PDE1A: variants seen among roughly 807,000 people sequenced by gnomAD.
PDE1A encodes the protein dual specificity calcium/calmodulin-dependent 3',5'-cyclic nucleotide phosphodiesterase 1A.
Under a neutral mutation model 61.7 loss-of-function variants are expected in PDE1A, and 35 were observed. That is an observed-to-expected ratio of 0.57 (90% CI 0.43 to 0.75). The LOEUF (loss-of-function observed/expected upper bound fraction) is 0.75, where lower values mean the gene tolerates loss of function less well. PDE1A is among the 30% of genes least tolerant of loss of function. PDE1A has a pLI of 0.00. For missense variants in PDE1A, 597 were observed against 630.6 expected (o/e 0.95, Z 0.57); for synonymous variants, 232 against 213.2 (o/e 1.09, Z -0.77).
intron 2 of PDE1A, among the ~76,000 whole-genome samples, chr2:182,507,141 A>G (rs1250718484): frequency 6.6e-6 from 1 of 152,180 alleles, no homozygotes; most frequent in African/African-American, 2.4e-5. Flanking sequence ...CTAATTGGCT[A>G]TTAGTTCAAA....
At position 182,451,328 on chromosome 2, in the gene PDE1A, G is replaced by A. The variant is rs1016015027; in HGVS notation, c.101+70948C>T. Among the ~76,000 whole-genome samples the A allele has an allele frequency of 2.1e-3, 35 of 16,518 alleles. 13 individuals are homozygous for A. Among genetic ancestry groups the A allele is most frequent in the Non-Finnish European group, 3.7e-3 (32 of 8,710 alleles). 10.8% of individuals were successfully genotyped at this position (16,518 alleles called of 152,430 possible). ...CGGGAGGCGGAGCTTGCAGTGAGCCGAGATCCCGCCACTGCACTCCAGCCT... is the reference window on the plus strand; with the variant it reads ...CGGGAGGCGGAGCTTGCAGTGAGCCAAGATCCCGCCACTGCACTCCAGCCT... On this transcript the variant is annotated intron_variant, in intron 2 of 14. Coordinates refer to the PDE1A transcript ENST00000410103.
intron 1 of PDE1A, among the ~76,000 whole-genome samples, chr2:182,270,195 C>T (rs1692919012): frequency 6.6e-6 from 1 of 152,084 alleles, no homozygotes; most frequent in African/African-American, 2.4e-5. Flanking sequence ...ATAGCAATAC[C>T]ATCTTTGAAA....
intron 2 of PDE1A, among the ~76,000 whole-genome samples, chr2:182,432,535 C>A (rs1704008930): frequency 6.6e-6 from 1 of 151,922 alleles, no homozygotes; most frequent in Non-Finnish European, 1.5e-5. Flanking sequence ...CTGTTGTATT[C>A]CCTGTGCATA....
chr2:182,664,077 T>C, the PDE1A span, among the ~76,000 whole-genome samples: 1 of 152,122 alleles, frequency 6.6e-6, no homozygotes, highest in Admixed American at 6.5e-5. Flanking sequence ...GAAAAAGTAG[T>C]TGACTTTACT....
At chr2:182,489,547 G>A (rs1259355966) in intron 2 of PDE1A, among the ~76,000 whole-genome samples, 2 of 152,150 alleles carry the variant, frequency 1.3e-5, no homozygotes, top group African/African-American at 4.8e-5. Flanking sequence ...AGGTTGCACT[G>A]GATGTGGTAA....
the PDE1A span, among the ~76,000 whole-genome samples, chr2:182,577,956 G>GGAAA: frequency 1.8e-4 from 26 of 144,338 alleles, no homozygotes; most frequent in South Asian, 5.6e-3. Context: ...AAGGAAGGAA[G>GGAAA]GAAGGAAGGA....
At chr2:182,207,625 C>T (rs554250163) in intron 7 of PDE1A, among the ~76,000 whole-genome samples, 2 of 152,258 alleles carry the variant, frequency 1.3e-5, no homozygotes, top group South Asian at 4.1e-4. Context: ...AACCCATTTT[C>T]TGGGGAGGAA....
the PDE1A span, among the ~76,000 whole-genome samples, chr2:182,644,985 ATT>A: frequency 0.19 from 23,850 of 127,962 alleles, 1,812 homozygotes; most frequent in African/African-American, 0.27. Context: ...TGTCTTCTGT[ATT>A]TTTTTTTTTT....
At chr2:182,402,038 G>A (rs1050620388) in intron 1 of PDE1A, among the ~76,000 whole-genome samples, 9 of 152,174 alleles carry the variant, frequency 5.9e-5, no homozygotes, top group Admixed American at 1.3e-4. Context: ...ACAAACAAAT[G>A]GATAAACATT....
chr2:182,325,643 C>A (rs184655873), intron 1 of PDE1A, among the ~76,000 whole-genome samples: 1 of 152,132 alleles, frequency 6.6e-6, no homozygotes, highest in African/African-American at 2.4e-5. Flanking sequence ...CCCAGCTGGG[C>A]GTGCTGCCTC....
chr2:182,683,645 A>C, the PDE1A span, among the ~76,000 whole-genome samples: 1 of 152,228 alleles, frequency 6.6e-6, no homozygotes, highest in Non-Finnish European at 1.5e-5. Flanking sequence ...AACTGTTTAA[A>C]TCATGACCGA....
At chr2:182,342,984 T>C (rs1368471117) in intron 1 of PDE1A, among the ~76,000 whole-genome samples, 4 of 152,222 alleles carry the variant, frequency 2.6e-5, no homozygotes, top group Non-Finnish European at 5.9e-5. Context: ...TGCGTTCACA[T>C]ATGTTTGTGT....
chr2:182,233,848 C>T (rs999792993), intron 4 of PDE1A, among the ~76,000 whole-genome samples: 1 of 151,848 alleles, frequency 6.6e-6, no homozygotes, highest in Non-Finnish European at 1.5e-5. Flanking sequence ...TAACTTTACT[C>T]ACTTCAGAGT....
chr2:182,183,285 C>A (rs1479415143), intron 13 of PDE1A, among the ~76,000 whole-genome samples: 1 of 152,140 alleles, frequency 6.6e-6, no homozygotes. Context: ...TATTCAATGA[C>A]TCTGGAAATC....
At chr2:182,263,283 A>AT (rs200275667) in intron 2 of PDE1A, among the ~76,000 whole-genome samples, 314 of 151,902 alleles carry the variant, frequency 2.1e-3, no homozygotes, top group Middle Eastern at 3.4e-3. Context: ...AATGCTGCCT[A>AT]TTTTTTTTCT....
intron 1 of PDE1A, among the ~76,000 whole-genome samples, chr2:182,393,301 C>T (rs1442799830): frequency 1.3e-5 from 2 of 152,224 alleles, no homozygotes; most frequent in Admixed American, 6.5e-5. Context: ...TACGTTGGCC[C>T]CTTTTAGCCA....
intron 13 of PDE1A, among the ~76,000 whole-genome samples, chr2:182,183,961 T>C (rs952344920): frequency 9.8e-6 from 1 of 102,222 alleles, no homozygotes; most frequent in African/African-American, 3.9e-5. Flanking sequence ...CAATCAAAAA[T>C]GAATGAAGAA....
In PDE1A at chr2:182,381,835, A is replaced by T. The variant is rs191690062; in HGVS notation, c.53+44743T>A. 5.7e-3 allele frequency among the ~76,000 whole-genome samples: 867 copies of T among 151,626 alleles called. 7 individuals are homozygous for T. Among genetic ancestry groups the T allele is most frequent in the Middle Eastern group, 0.041 (12 of 290 alleles). ...TCAAAATAATAATAATAATAATAAT[A>T]ATTATATTAACTGAGTTTAATTTTG... On this transcript the variant is annotated intron_variant, in intron 1 of 13. Transcript: ENST00000351439.
intron 1 of PDE1A, among the ~76,000 whole-genome samples, chr2:182,417,447 A>AT (rs1702990079): frequency 6.6e-6 from 1 of 152,104 alleles, no homozygotes; most frequent in African/African-American, 2.4e-5. Context: ...AATTTTTGGG[A>AT]TTTTTTAAAA....
Sources: allele counts gnomAD v4.1 joint callset (sites outside exome capture counted in the v4.1 genomes callset), GRCh38; gene constraint gnomAD v4.1.1; transcripts MANE v1.5; gene names NCBI Gene and HGNC (gene_info 2026-07-23, HGNC 2026-07-21).